Variants in MOB1B observed in about 807,000 individuals in gnomAD.
MOB1B encodes MOB1 Mps One Binder homolog B.
A neutral mutation model predicts 24.4 loss-of-function variants in MOB1B; 19 were observed. The observed-to-expected ratio is 0.78, with a 90% CI of 0.54 to 1.14. MOB1B has a LOEUF of 1.14. MOB1B is among the 50% of genes most tolerant of loss of function. The pLI is 0.00. For synonymous variants in MOB1B, 76 were observed against 82.1 expected (o/e 0.93, Z 0.40); for missense variants, 243 against 259.6 (o/e 0.94, Z 0.44).
chr4:70,941,875 C>G (rs1021547187), intron 1 of MOB1B, among the ~76,000 whole-genome samples: 1 of 151,998 alleles, frequency 6.6e-6, no homozygotes, highest in Non-Finnish European at 1.5e-5. Flanking sequence ...CAATATCTGT[C>G]AGAAGAACAG....
intron 1 of MOB1B, among the ~76,000 whole-genome samples, chr4:70,934,993 A>C (rs1737025604): frequency 6.6e-6 from 1 of 152,060 alleles, no homozygotes; most frequent in Non-Finnish European, 1.5e-5. Flanking sequence ...CCGAGGCTAG[A>C]ATATGGCAGA....
At chr4:70,955,968 CTCTAGCAA>C (rs1367142004) in intron 1 of MOB1B, among the ~76,000 whole-genome samples, 9 of 151,456 alleles carry the variant, frequency 5.9e-5, no homozygotes, top group African/African-American at 1.9e-4. Flanking sequence ...AACTGCTGCC[CTCTAGCAA>C]TGCTTCTGCC....
At position 70,986,336 on chromosome 4, in the gene MOB1B, A is replaced by C. The variant is rs1049171809; in HGVS notation, c.*4279A>C. On this transcript the variant is annotated 3_prime_UTR_variant, in exon 6 of 6. Transcript: ENST00000309395. ...AATAAAAGACTGGAGATTTTTGTACAAAGAAATAGGAATAAGTTTCATATA... is the reference window on the plus strand; with the variant it reads ...AATAAAAGACTGGAGATTTTTGTACCAAGAAATAGGAATAAGTTTCATATA... The C allele has an allele frequency of 2.0e-5, 3 of 152,160 alleles. No homozygotes were observed. Among genetic ancestry groups the C allele is most frequent in the African/African-American group, 7.2e-5 (3 of 41,462 alleles). The allele number at this position is 152,160 out of a possible 1,614,324, so 9.4% of individuals were successfully genotyped here.
rs551187018 is a variant in MOB1B at position 70,930,196 on chromosome 4, A to G, written c.14+27646A>G. On this transcript the variant is annotated intron_variant, in intron 1 of 5. Coordinates refer to ENST00000309395, the MANE Select transcript of MOB1B (RefSeq NM_173468.4). ...CAAACTGAGATATTTAACTCAGTGT[A>G]TATCTTGTTTCTTAGTTTTTTTTTG... 4.5e-4 allele frequency among the ~76,000 whole-genome samples: 69 copies of G among 152,308 alleles called. 1 individual carries two copies. In the South Asian group the frequency reaches 7.0e-3, roughly 16 times the overall value.
chr4:70,941,970 G>T (rs1448448087), intron 1 of MOB1B, among the ~76,000 whole-genome samples: 1 of 151,998 alleles, frequency 6.6e-6, no homozygotes, highest in African/African-American at 2.4e-5. Flanking sequence ...GTTGTGAAAG[G>T]CTTTAGTAAG....
intron 2 of MOB1B, among the ~76,000 whole-genome samples, chr4:70,966,649 C>A (rs1319040902): frequency 6.6e-6 from 1 of 152,068 alleles, no homozygotes. Context: ...GCTGGGATTA[C>A]AGGCATGAGC....
intron 1 of MOB1B, among the ~76,000 whole-genome samples, chr4:70,943,994 G>C (rs949579473): frequency 4.0e-5 from 6 of 151,836 alleles, no homozygotes; most frequent in Non-Finnish European, 5.9e-5. Context: ...CACAAGGTTA[G>C]TTAACATCAC....
intron 1 of MOB1B, among the ~76,000 whole-genome samples, chr4:70,934,333 G>A (rs552287616): frequency 6.6e-6 from 1 of 151,752 alleles, no homozygotes; most frequent in Non-Finnish European, 1.5e-5. Flanking sequence ...TGATTCACCT[G>A]CCTCAGCCTC....
At chr4:70,935,581 T>G (rs937235624) in intron 1 of MOB1B, among the ~76,000 whole-genome samples, 1 of 152,194 alleles carries the variant, frequency 6.6e-6, no homozygotes, top group Non-Finnish European at 1.5e-5. Flanking sequence ...TGTAGGTATT[T>G]TCCTCAACTT....
intron 1 of MOB1B, among the ~76,000 whole-genome samples, chr4:70,924,869 A>G (rs750942047): frequency 9.2e-5 from 14 of 152,146 alleles, no homozygotes; most frequent in Non-Finnish European, 1.8e-4. Flanking sequence ...ATGTGCCACA[A>G]TTTCTTAATC....
intron 4 of MOB1B, chr4:70,976,352 C>G: frequency 1.0e-6 from 1 of 984,970 alleles, no homozygotes; most frequent in African/African-American, 1.7e-5. Context: ...TATTTGTGAT[C>G]AAAAGGGAGT....
chr4:70,974,051 A>C (rs1237649150), intron 3 of MOB1B, among the ~76,000 whole-genome samples: 1 of 152,184 alleles, frequency 6.6e-6, no homozygotes, highest in Non-Finnish European at 1.5e-5. Context: ...CCTTTTGGAA[A>C]CTAAAATACT....
chr4:70,955,573 C>G (rs192855388), intron 1 of MOB1B, among the ~76,000 whole-genome samples: 1 of 147,116 alleles, frequency 6.8e-6, no homozygotes, highest in Non-Finnish European at 1.5e-5. Context: ...TGGGTTCAAG[C>G]GATTCTCCTG....
intron 1 of MOB1B, among the ~76,000 whole-genome samples, chr4:70,948,741 TG>T (rs1425862921): frequency 6.6e-6 from 1 of 152,196 alleles, no homozygotes; most frequent in African/African-American, 2.4e-5. Flanking sequence ...GTTTGCTTCT[TG>T]GTGAATATAC....
chr4:70,957,310 T>C (rs920858163), intron 1 of MOB1B, among the ~76,000 whole-genome samples: 1 of 147,766 alleles, frequency 6.8e-6, no homozygotes, highest in African/African-American at 2.5e-5. Flanking sequence ...TTCTCCAGCC[T>C]CTTTTTTTCC....
rs148983454 is a variant in MOB1B, at chr4:70,922,704, T to G, written c.14+20154T>G. 4.9e-3 allele frequency among the ~76,000 whole-genome samples: 746 copies of G among 152,312 alleles called. 7 individuals are homozygous for G. The highest frequency in any genetic ancestry group is 0.011 in the African/African-American group (441 of 41,566). ...TTTCTATTTTTATTCCACCTATAATTTTGAAGCTAATTTGTTTAGTAGAGT... is the reference window on the plus strand; with the variant it reads ...TTTCTATTTTTATTCCACCTATAATGTTGAAGCTAATTTGTTTAGTAGAGT... On this transcript the variant is annotated intron_variant, in intron 1 of 5. Transcript: ENST00000309395.
chr4:70,917,052 A>G (rs1736224648), intron 1 of MOB1B, among the ~76,000 whole-genome samples: 1 of 152,210 alleles, frequency 6.6e-6, no homozygotes, highest in Admixed American at 6.5e-5. Context: ...TGAGGGATAC[A>G]TTTCTAACAC....
At chr4:70,975,952 T>C (rs1376688215) in intron 4 of MOB1B, 1 of 433,536 alleles carries the variant, frequency 2.3e-6, no homozygotes, top group African/African-American at 2.1e-5. Context: ...CAGGCTGGAG[T>C]GCAGTGGCGT....
At chr4:70,961,069 A>G (rs1016541280) in intron 2 of MOB1B, among the ~76,000 whole-genome samples, 30 of 152,154 alleles carry the variant, frequency 2.0e-4, no homozygotes, top group African/African-American at 7.2e-4. Flanking sequence ...GTTTTTTCCT[A>G]TACACTACGT....
Sources: allele counts gnomAD v4.1 joint callset (sites outside exome capture counted in the v4.1 genomes callset), GRCh38; gene constraint gnomAD v4.1.1; transcripts MANE v1.5; gene names NCBI Gene and HGNC (gene_info 2026-07-23, HGNC 2026-07-21).